Variants in MMP16 observed in about 807,000 individuals in gnomAD.
MMP16 encodes the protein matrix metallopeptidase 16, also known as matrix metalloproteinase-16.
In MMP16, 12 loss-of-function variants were observed where a neutral mutation model predicts 67.8. The observed-to-expected ratio is 0.18, with a 90% CI of 0.11 to 0.29. The LOEUF is 0.29. Among genes scored for constraint, MMP16 ranks in the 10% least tolerant of loss-of-function variants. The pLI is 1.00. For missense variants in MMP16, 475 were observed against 765.7 expected (o/e 0.62, Z 4.48); for synonymous variants, 249 against 255.9 (o/e 0.97, Z 0.26).
At chr8:88,199,595 A>T (rs1586201387) in intron 1 of MMP16, among the ~76,000 whole-genome samples, 1 of 152,114 alleles carries the variant, frequency 6.6e-6, no homozygotes, top group Middle Eastern at 3.4e-3. Flanking sequence ...TAATATTTGG[A>T]AATGTATCTT....
rs1204601647 is a variant in MMP16, at chr8:88,187,120, TTTC to T, written c.282-525_282-523del. 5.3e-5 allele frequency among the ~76,000 whole-genome samples: 8 copies of T among 152,196 alleles called. 1 individual carries two copies. The highest frequency in any genetic ancestry group is 7.4e-5 in the Non-Finnish European group (5 of 68,010). On this transcript the variant is annotated intron_variant, in intron 2 of 9. Transcript: ENST00000286614. ...AAATAAAATATTCATTTCTCTACCTTTTCTTCTTTACATTTGATCATTATTTCA... is the reference window on the plus strand; with the variant it reads ...AAATAAAATATTCATTTCTCTACCTTTTCTTTACATTTGATCATTATTTCA...
chr8:88,130,106 A>G (rs1193945620), intron 4 of MMP16, among the ~76,000 whole-genome samples: 1 of 151,812 alleles, frequency 6.6e-6, no homozygotes, highest in African/African-American at 2.4e-5. Context: ...CTAAGAATCA[A>G]TGTAATACAT....
chr8:88,121,781 T>C (rs548452611), intron 4 of MMP16, among the ~76,000 whole-genome samples: 1 of 152,188 alleles, frequency 6.6e-6, no homozygotes, highest in South Asian at 2.1e-4. Context: ...AATGTTAGAA[T>C]ATTAAACTAT....
chr8:88,072,709 G>A (rs1808579777), intron 7 of MMP16, among the ~76,000 whole-genome samples: 2 of 152,122 alleles, frequency 1.3e-5, no homozygotes, highest in Admixed American at 6.5e-5. Context: ...CACCTACTAT[G>A]CACCCAACAC....
At chr8:88,321,558 C>T (rs575891356) in intron 1 of MMP16, among the ~76,000 whole-genome samples, 1 of 152,236 alleles carries the variant, frequency 6.6e-6, no homozygotes, top group African/African-American at 2.4e-5. Context: ...CAAAATGGAA[C>T]ATCCTTTGGA....
chr8:88,045,980 AATTATT>A (rs1162240542), intron 9 of MMP16, among the ~76,000 whole-genome samples: 1 of 152,146 alleles, frequency 6.6e-6, no homozygotes, highest in Non-Finnish European at 1.5e-5. Context: ...TTCAATTTCA[AATTATT>A]ATTATGATTT....
intron 1 of MMP16, among the ~76,000 whole-genome samples, chr8:88,244,580 A>G (rs1810082067): frequency 1.3e-5 from 2 of 152,318 alleles, no homozygotes; most frequent in African/African-American, 2.4e-5. Context: ...TGTATTTTAC[A>G]TATATTAACT....
rs887583887 is a variant in MMP16 at position 88,263,936 on chromosome 8, A to G, written c.132+63139T>C. The stretch of plus-strand genomic sequence containing the variant: ...CTGACTGATGCACTTTTTGGCCGCA[A>G]CCTCCCTACAAAAATGGCATATATA... On this transcript the variant is annotated intron_variant, in intron 1 of 9. Transcript: ENST00000286614. Among the ~76,000 whole-genome samples, 29 of 149,630 alleles carry G rather than the reference A, an allele frequency of 1.9e-4. 1 individual carries two copies. Among genetic ancestry groups the G allele is most frequent in the African/African-American group, 6.9e-4 (28 of 40,426 alleles).
At chr8:88,208,076 A>C (rs1289966694) in intron 1 of MMP16, among the ~76,000 whole-genome samples, 2 of 152,202 alleles carry the variant, frequency 1.3e-5, no homozygotes, top group African/African-American at 4.8e-5. Context: ...GTCTTGAAGA[A>C]AATCATTGAG....
intron 3 of MMP16, among the ~76,000 whole-genome samples, chr8:88,178,081 T>A (rs1808922247): frequency 6.6e-6 from 1 of 151,960 alleles, no homozygotes; most frequent in African/African-American, 2.4e-5. Flanking sequence ...CCTAACTAGA[T>A]AAACATAAAA....
intron 3 of MMP16, among the ~76,000 whole-genome samples, chr8:88,182,389 C>T (rs1434695407): frequency 3.3e-5 from 5 of 152,010 alleles, no homozygotes; most frequent in Non-Finnish European, 7.4e-5. Flanking sequence ...AAAGTTGCAT[C>T]TTATGTCATC....
intron 4 of MMP16, among the ~76,000 whole-genome samples, chr8:88,153,541 G>C (rs1245069939): frequency 2.6e-5 from 4 of 152,088 alleles, no homozygotes; most frequent in African/African-American, 9.7e-5. Flanking sequence ...GAACAGAACA[G>C]AGCCCTCAGA....
chr8:88,088,817 C>G (rs888534034), intron 6 of MMP16, among the ~76,000 whole-genome samples: 1 of 152,034 alleles, frequency 6.6e-6, no homozygotes, highest in Non-Finnish European at 1.5e-5. Context: ...TGAGGGAAGT[C>G]AGATGATCAC....
intron 1 of MMP16, among the ~76,000 whole-genome samples, chr8:88,292,840 G>A (rs1477757177): frequency 6.6e-6 from 1 of 152,018 alleles, no homozygotes; most frequent in African/African-American, 2.4e-5. Context: ...AAACCTATAA[G>A]CCTCTTTTAA....
At position 88,105,452 on chromosome 8, in the gene MMP16, A is replaced by C. The variant is rs118140495; in HGVS notation, c.1083+11055T>G. ...AAAATTGGACTCATTTGCTATTCAT[A>C]CTATCTACAGTTTCTTTAAAATAGA... is the stretch of plus-strand genomic sequence containing the variant. On this transcript the variant is annotated intron_variant, in intron 6 of 9. Transcript: ENST00000286614. Among the ~76,000 whole-genome samples, 179 of 151,638 alleles carry C rather than the reference A, an allele frequency of 1.2e-3. 1 individual carries two copies. Among genetic ancestry groups the C allele is most frequent in the Non-Finnish European group, 1.6e-3 (110 of 67,658 alleles).
intron 1 of MMP16, among the ~76,000 whole-genome samples, chr8:88,296,778 G>A (rs1563587719): frequency 6.6e-6 from 1 of 150,506 alleles, no homozygotes; most frequent in East Asian, 2.0e-4. Flanking sequence ...TCAGGAGGTG[G>A]AGGTTGCAGT....
At chr8:88,256,535 A>C (rs1445339128) in intron 1 of MMP16, among the ~76,000 whole-genome samples, 1 of 152,150 alleles carries the variant, frequency 6.6e-6, no homozygotes, top group Non-Finnish European at 1.5e-5. Flanking sequence ...AATTCAATAA[A>C]CTTATTTTTG....
chr8:88,256,674 T>C (rs56261442), intron 1 of MMP16, among the ~76,000 whole-genome samples: 10,939 of 147,832 alleles, frequency 0.074, 906 homozygotes, highest in African/African-American at 0.21. Flanking sequence ...TCTCTCTCTC[T>C]CTCTCTCTCT....
chr8:88,041,564 G>T lies in MMP16; in HGVS notation c.1721C>A (p.Ala574Asp). Reference sequence around the variant, plus strand: ...GTAAACCAATACAAGGAGGCATAAGGCCAAGATGCAGGGAATGACAATAGC... The same window carrying T: ...GTAAACCAATACAAGGAGGCATAAGTCCAAGATGCAGGGAATGACAATAGC... ...AIAIVIPCIL[A>D]LCLLVLVYTV... Residue 574 changes from alanine (A) to aspartate (D), a missense_variant, in exon 10 of 10, where the codon GCC becomes GAC. This residue lies in a region of MMP16 where 80 missense variants were observed against 93.4 expected (regional missense o/e 0.86). Transcript: ENST00000286614. The surrounding 1 kb of genome is among the most constrained non-coding windows in gnomAD (Gnocchi z 6.0). 1 of 1,614,156 alleles carries T rather than the reference G, an allele frequency of 6.2e-7. No individual in the cohort carries two copies. The highest frequency in any genetic ancestry group is 8.5e-7 in the Non-Finnish European group (1 of 1,180,006).
Sources: gnomAD v4.1 joint callset for allele counts (sites outside exome capture counted in the v4.1 genomes callset) on GRCh38, gnomAD v4.1.1 for gene constraint, gnomAD v4.1.1 regional missense constraint, Gnocchi (gnomAD v3.1) non-coding constraint, MANE v1.5 for transcripts, NCBI Gene and HGNC (gene_info 2026-07-23, HGNC 2026-07-21) for gene names.